Variants in LRMDA observed in about 807,000 individuals in gnomAD.
LRMDA encodes the protein leucine-rich melanocyte differentiation-associated protein.
In LRMDA, 18 loss-of-function variants were observed where a neutral mutation model predicts 29.8. The observed-to-expected ratio is 0.60, with a 90% CI of 0.42 to 0.90. LRMDA has a LOEUF of 0.90. Ranked by LOEUF, LRMDA falls within the 40% of genes least tolerant of loss-of-function variation. The pLI is 0.00. For missense variants in LRMDA, 273 were observed against 273.9 expected, an observed-to-expected ratio of 1.00 and a Z score of 0.02; for synonymous variants, 125 against 109.4, an observed-to-expected ratio of 1.14 and a Z score of -0.89.
intron 2 of LRMDA, among the ~76,000 whole-genome samples, chr10:75,931,647 C>A (rs914396500): frequency 2.6e-5 from 4 of 152,166 alleles, no homozygotes; most frequent in Admixed American, 6.5e-5. Context: ...TAAGCTTCTG[C>A]TCAAGGAAGT....
intron 2 of LRMDA, among the ~76,000 whole-genome samples, chr10:75,749,029 A>AT (rs1251918269): frequency 2.6e-5 from 4 of 151,894 alleles, no homozygotes; most frequent in Non-Finnish European, 4.4e-5. Context: ...TTATATGTGG[A>AT]TTTTTTTTCC....
intron 5 of LRMDA, among the ~76,000 whole-genome samples, chr10:76,118,840 C>CTTTT (rs962279433): frequency 3.5e-3 from 161 of 45,966 alleles, no homozygotes; most frequent in Admixed American, 5.0e-3. Flanking sequence ...TGCAAATACA[C>CTTTT]TTTTTTTTTT....
At chr10:76,399,537 T>C (rs1841825590) in intron 6 of LRMDA, among the ~76,000 whole-genome samples, 1 of 152,226 alleles carries the variant, frequency 6.6e-6, no homozygotes, top group Non-Finnish European at 1.5e-5. Context: ...CAGATGTCTC[T>C]CAAATATAGA....
intron 2 of LRMDA, among the ~76,000 whole-genome samples, chr10:75,671,357 G>A (rs1190518394): frequency 6.6e-6 from 1 of 152,102 alleles, no homozygotes; most frequent in Non-Finnish European, 1.5e-5. Flanking sequence ...CATAACCCCA[G>A]ATATCTCCAG....
At chr10:75,769,678 A>T (rs530594985) in intron 2 of LRMDA, among the ~76,000 whole-genome samples, 8 of 152,324 alleles carry the variant, frequency 5.3e-5, no homozygotes, top group African/African-American at 1.4e-4. Flanking sequence ...TTTTAAAAAA[A>T]TTTTAACATA....
chr10:75,691,314 A>C (rs1842154347), intron 2 of LRMDA, among the ~76,000 whole-genome samples: 1 of 150,282 alleles, frequency 6.7e-6, no homozygotes, highest in African/African-American at 2.5e-5. Flanking sequence ...TTGTGTGTGC[A>C]TGCCACTTTT....
At chr10:75,865,746 T>C (rs139561755) in intron 2 of LRMDA, among the ~76,000 whole-genome samples, 32 of 152,306 alleles carry the variant, frequency 2.1e-4, no homozygotes, top group African/African-American at 7.5e-4. Context: ...GGAGGAATAA[T>C]TTCTTGGCTA....
intron 2 of LRMDA, among the ~76,000 whole-genome samples, chr10:75,668,737 C>T (rs913805094): frequency 6.6e-6 from 1 of 152,140 alleles, no homozygotes; most frequent in Non-Finnish European, 1.5e-5. Flanking sequence ...TAGCAACACA[C>T]AGTTAATAAA....
At chr10:75,584,404 G>A (rs1431951985) in intron 2 of LRMDA, among the ~76,000 whole-genome samples, 3 of 151,788 alleles carry the variant, frequency 2.0e-5, no homozygotes, top group African/African-American at 7.3e-5. Flanking sequence ...GCCTTTTTTT[G>A]TGTCTTTTTC....
chr10:76,278,096 T>G (rs1840158768), intron 5 of LRMDA, among the ~76,000 whole-genome samples: 1 of 152,190 alleles, frequency 6.6e-6, no homozygotes, highest in African/African-American at 2.4e-5. Flanking sequence ...TAGATTTGGA[T>G]GCATTAATGA....
chr10:76,251,253 T>C (rs1589394540), intron 5 of LRMDA, among the ~76,000 whole-genome samples: 1 of 51,044 alleles, frequency 2.0e-5, no homozygotes, highest in Non-Finnish European at 3.6e-5. Flanking sequence ...TTTTTTTTTT[T>C]TTTTTTTTTT....
rs147403653 is a variant in LRMDA at position 75,972,127 on chromosome 10, C to T, written c.132-63881C>T. Reference sequence around the variant, plus strand: ...TGAATGTTTGACAAACACATGGCTTCGATGTGCTAGAATCATAGCAGCCCA... The same window carrying T: ...TGAATGTTTGACAAACACATGGCTTTGATGTGCTAGAATCATAGCAGCCCA... On this transcript the variant is annotated intron_variant, in intron 2 of 6. Coordinates refer to ENST00000611255, the MANE Select transcript of LRMDA (RefSeq NM_001305581.2). Among the ~76,000 whole-genome samples, 496 of 152,186 alleles carry T rather than the reference C, an allele frequency of 3.3e-3. 2 individuals are homozygous for T. The highest frequency in any genetic ancestry group is 0.011 in the African/African-American group (446 of 41,514).
chr10:75,839,043 A>C (rs535417586), intron 2 of LRMDA, among the ~76,000 whole-genome samples: 6 of 152,310 alleles, frequency 3.9e-5, no homozygotes, highest in Non-Finnish European at 7.4e-5. Context: ...AAGGGGAAAA[A>C]ATCCTCCAGG....
At chr10:76,000,653 A>C (rs11001569) in intron 2 of LRMDA, among the ~76,000 whole-genome samples, 53,756 of 151,950 alleles carry the variant, frequency 0.35, 10,488 homozygotes, top group Non-Finnish European at 0.44. Flanking sequence ...CTTATTGCTC[A>C]TGAGGGAGGC....
At chr10:76,117,414 G>A (rs1849685275) in intron 5 of LRMDA, among the ~76,000 whole-genome samples, 1 of 152,168 alleles carries the variant, frequency 6.6e-6, no homozygotes, top group Non-Finnish European at 1.5e-5. Context: ...CTCACATGAG[G>A]GTAAAGTACA....
intron 6 of LRMDA, among the ~76,000 whole-genome samples, chr10:76,537,829 C>G (rs1843307472): frequency 6.6e-6 from 1 of 152,150 alleles, no homozygotes; most frequent in African/African-American, 2.4e-5. Context: ...CTCATCTTCC[C>G]TCATTCTTAG....
intron 6 of LRMDA, among the ~76,000 whole-genome samples, chr10:76,363,145 GAA>G (rs1211997375): frequency 2.8e-5 from 1 of 35,450 alleles, no homozygotes; most frequent in African/African-American, 1.3e-4. Flanking sequence ...AAGAAAGAAA[GAA>G]AGAAAGAAAG....
At chr10:75,825,380 G>A (rs564242301) in intron 2 of LRMDA, among the ~76,000 whole-genome samples, 22 of 152,288 alleles carry the variant, frequency 1.4e-4, no homozygotes, top group Admixed American at 7.2e-4. Context: ...ATTATAGGGC[G>A]CTAGGCACGT....
At chr10:75,896,496 T>G (rs2132358924) in intron 2 of LRMDA, among the ~76,000 whole-genome samples, 1 of 152,328 alleles carries the variant, frequency 6.6e-6, no homozygotes, top group South Asian at 2.1e-4. Context: ...TTGTTGTCCC[T>G]GGTGTGTCAC....
Sources: gnomAD v4.1 joint callset for allele counts (sites outside exome capture counted in the v4.1 genomes callset) on GRCh38, gnomAD v4.1.1 for gene constraint, MANE v1.5 for transcripts, NCBI Gene and HGNC (gene_info 2026-07-23, HGNC 2026-07-21) for gene names.